The following GASK1A variants were observed in gnomAD, a reference collection of about 807,000 sequenced individuals.
The protein encoded by GASK1A is Golgi-associated kinase 1A.
Under a neutral mutation model 41.2 loss-of-function variants are expected in GASK1A, and 40 were observed. The ratio of observed to expected loss-of-function variants is 0.97; its 90% confidence interval spans 0.75 to 1.27. GASK1A has a LOEUF of 1.27. Ranked by LOEUF, GASK1A falls within the 50% of genes most tolerant of loss-of-function variation. The probability of loss-of-function intolerance (pLI) is 0.00; values close to 1 mark genes in which losing one functional copy is unlikely to be tolerated. For missense variants in GASK1A, 678 were observed against 745.1 expected (o/e 0.91, Z 1.05); for synonymous variants, 316 against 307.1 (o/e 1.03, Z -0.30).
At chr3:43,007,051 A>G (rs1205311315) in intron 1 of GASK1A, among the ~76,000 whole-genome samples, 2 of 152,230 alleles carry the variant, frequency 1.3e-5, no homozygotes, top group African/African-American at 4.8e-5. Context: ...GGTGAAGCTC[A>G]GGATAGGTGG....
chr3:43,000,033 T>C (rs780957267), intron 1 of GASK1A, among the ~76,000 whole-genome samples: 1 of 152,240 alleles, frequency 6.6e-6, no homozygotes, highest in Non-Finnish European at 1.5e-5. Flanking sequence ...AGACAGTCTC[T>C]TCCTCTCAAG....
intron 1 of GASK1A, among the ~76,000 whole-genome samples, chr3:42,998,671 C>A (rs2089389923): frequency 6.6e-6 from 1 of 152,176 alleles, no homozygotes; most frequent in South Asian, 2.1e-4. Flanking sequence ...CTGCCTCCTG[C>A]TATGACAGAC....
intron 2 of GASK1A, among the ~76,000 whole-genome samples, chr3:43,039,204 G>GTTTTTTTTTTTTTT (rs548862246): frequency 1.5e-5 from 2 of 136,550 alleles, no homozygotes; most frequent in African/African-American, 2.7e-5. Flanking sequence ...TTTTTTTTTT[G>GTTTTTTTTTTTTTT]GTTTTTTTTT....
rs567390802 is a variant in GASK1A, at chr3:43,032,388, C to G, written c.125C>G (p.Pro42Arg). The G allele has an allele frequency of 2.2e-4, 338 of 1,551,670 alleles. 7 individuals are homozygous for G. In the South Asian group the frequency reaches 3.6e-3, roughly 16 times the overall value. The change falls in exon 2 of 5, where the codon CCA becomes CGA. Residue 42 changes from proline to arginine, a missense_variant. Pro to Arg is a moderately radical substitution (Grantham distance 103). Transcript: ENST00000430121. ...CCCCCACAGCGTCCATCCGCCGGCC[C>G]AGACCCTGGTCCCATGGAGCCTCAG... ...RFPPQRPSAG[P>R]DPGPMEPQGV... is the part of the protein sequence containing the mutation.
chr3:42,982,583 T>C (rs1022576463), intron 1 of GASK1A, among the ~76,000 whole-genome samples: 2 of 152,256 alleles, frequency 1.3e-5, no homozygotes, highest in Non-Finnish European at 2.9e-5. Flanking sequence ...GTGATTTTGA[T>C]AATCATCTCC....
intron 1 of GASK1A, among the ~76,000 whole-genome samples, chr3:42,993,471 T>C (rs758695787): frequency 9.9e-5 from 15 of 152,224 alleles, no homozygotes; most frequent in Non-Finnish European, 1.3e-4. Flanking sequence ...CACACGTTTG[T>C]TTTTTAGAAG....
chr3:43,020,586 G>C (rs1416462275), intron 1 of GASK1A, among the ~76,000 whole-genome samples: 1 of 152,246 alleles, frequency 6.6e-6, no homozygotes, highest in Non-Finnish European at 1.5e-5. Flanking sequence ...CAAAAGGTGT[G>C]TATTAGTTGG....
chr3:43,051,405 A>ACGTATGTATGCAATTGACAAATCTG (rs2089687661), intron 2 of GASK1A, among the ~76,000 whole-genome samples: 1 of 152,192 alleles, frequency 6.6e-6, no homozygotes, highest in Non-Finnish European at 1.5e-5. Context: ...CATCTCCAAC[A>ACGTATGTATGCAATTGACAAATCTG]CGTATGTATG....
At chr3:43,037,499 A>G in intron 2 of GASK1A, 1 of 510,706 alleles carries the variant, frequency 2.0e-6, no homozygotes. Context: ...TAAGGTATTT[A>G]GGAATATCTG....
intron 1 of GASK1A, among the ~76,000 whole-genome samples, chr3:43,007,903 C>T (rs2089444733): frequency 6.6e-6 from 1 of 152,174 alleles, no homozygotes; most frequent in African/African-American, 2.4e-5. Context: ...CCTTTAGGAG[C>T]CTTGGTTGGC....
intron 1 of GASK1A, among the ~76,000 whole-genome samples, chr3:43,001,419 G>T (rs1259990050): frequency 4.6e-5 from 7 of 152,214 alleles, no homozygotes; most frequent in Non-Finnish European, 7.3e-5. Context: ...CCAGAGCAGG[G>T]CAGGAAGCCA....
At position 43,032,596 on chromosome 3, in the gene GASK1A, C is replaced by T. The variant is rs1277665758; in HGVS notation, c.333C>T (p.Asp111=). The T allele has an allele frequency of 6.4e-7, 1 of 1,551,584 alleles. No homozygotes were observed. The highest frequency in any genetic ancestry group is 8.7e-7 in the Non-Finnish European group (1 of 1,146,914). ...GAAGCAGGGAGTCCCCAGGAGGGGACCTCAGGCATCCAGGGAGGGTGAGGA... is the reference window on the plus strand; with the variant it reads ...GAAGCAGGGAGTCCCCAGGAGGGGATCTCAGGCATCCAGGGAGGGTGAGGA... ...VDRSRESPGG[D]LRHPGRVRRD... is the part of the protein sequence containing the mutation. Residue 111 remains aspartate, a synonymous_variant, in exon 2 of 5, where the codon GAC becomes GAT. Coordinates refer to ENST00000430121, the MANE Select transcript of GASK1A (RefSeq NM_001129908.3).
At chr3:43,039,743 T>C (rs900280831) in intron 2 of GASK1A, among the ~76,000 whole-genome samples, 1 of 152,194 alleles carries the variant, frequency 6.6e-6, no homozygotes, top group South Asian at 2.1e-4. Flanking sequence ...TGTGTCCATG[T>C]GTATTCAGTG....
chr3:43,018,481 A>G (rs1238901674), intron 1 of GASK1A, among the ~76,000 whole-genome samples: 1 of 152,108 alleles, frequency 6.6e-6, no homozygotes, highest in Non-Finnish European at 1.5e-5. Flanking sequence ...GAGGCATAGA[A>G]CCTGCCTGTT....
In GASK1A at chr3:43,057,540, A is replaced by G. The variant is rs2089722291; in HGVS notation, c.*1154A>G. 6.6e-6 allele frequency: 1 copy of G among 152,136 alleles called. No individual in the cohort carries two copies. The highest frequency in any genetic ancestry group is 1.5e-5 in the Non-Finnish European group (1 of 68,022). 9.4% of individuals were successfully genotyped at this position (152,136 alleles called of 1,614,324 possible). A position where few individuals can be genotyped will look rare whatever the true frequency, so the allele number is the denominator to read the frequency against. On this transcript the variant is annotated 3_prime_UTR_variant, in exon 5 of 5. Coordinates refer to ENST00000430121, the MANE Select transcript of GASK1A (RefSeq NM_001129908.3). ...TAAAAGCTGCATTTCCTTAATCATG[A>G]ATGAAGTCATCTTTCCACTTATTTG...
intron 2 of GASK1A, among the ~76,000 whole-genome samples, chr3:43,036,432 C>T (rs633042): frequency 0.91 from 138,060 of 152,228 alleles, 63,963 homozygotes; most frequent in Non-Finnish European, 1. Context: ...TTTGGTTTTA[C>T]CCTGTATAAA....
chr3:43,053,623 C>T lies in GASK1A; in HGVS notation c.1393C>T (p.Leu465=). The change falls in exon 3 of 5, where the codon CTG becomes TTG. Residue 465 remains leucine, a synonymous_variant. Transcript: ENST00000430121. ...AGAGAAATGCCAGAACCCAGCCGAG[C>T]TGCGGCTGGTCCACATCCTGGTACG... ...LREKCQNPAE[L]RLVHILVRSS... 6.4e-7 allele frequency: 1 copy of T among 1,551,704 alleles called. No individual in the cohort carries two copies. Among genetic ancestry groups the T allele is most frequent in the Non-Finnish European group, 8.7e-7 (1 of 1,146,964 alleles).
Position 43,021,899 on chromosome 3 carries a change from G to C in GASK1A, c.4-10368G>C, listed in dbSNP as rs987414615. Among the ~76,000 whole-genome samples the C allele has an allele frequency of 2.0e-5, 3 of 152,208 alleles. No individual in the cohort carries two copies. In the East Asian group the frequency reaches 5.8e-4, roughly 29 times the overall value. ...CATCTTCTCTGAGGAATTAAGGAGG[G>C]GTATTGGTGAAGGGTTGAGAGGTAG... On this transcript the variant is annotated intron_variant, in intron 1 of 4. Coordinates refer to ENST00000430121, the MANE Select transcript of GASK1A (RefSeq NM_001129908.3).
intron 2 of GASK1A, among the ~76,000 whole-genome samples, chr3:43,049,703 A>AAT (rs1454509637): frequency 1.0e-4 from 10 of 98,878 alleles, no homozygotes; most frequent in African/African-American, 3.4e-4. Flanking sequence ...AACTGTATAA[A>AAT]ACAGAAAATA....
Sources: gnomAD v4.1 joint callset for allele counts (sites outside exome capture counted in the v4.1 genomes callset) on GRCh38, gnomAD v4.1.1 for gene constraint, MANE v1.5 for transcripts, NCBI Gene and HGNC (gene_info 2026-07-23, HGNC 2026-07-21) for gene names.